Variants in HS6ST3 observed in about 807,000 individuals in gnomAD.
HS6ST3 encodes the protein heparan-sulfate 6-O-sulfotransferase 3.
In HS6ST3, 12 loss-of-function variants were observed where a neutral mutation model predicts 36.7. The observed-to-expected ratio is 0.33, with a 90% CI of 0.21 to 0.53. HS6ST3 has a LOEUF of 0.53. Among genes scored for constraint, HS6ST3 ranks in the 20% least tolerant of loss-of-function variants. The pLI, the probability that HS6ST3 is intolerant of heterozygous loss-of-function variation, is 0.95. For missense variants in HS6ST3, 584 were observed against 640.9 expected, an observed-to-expected ratio of 0.91 and a Z score of 0.96; for synonymous variants, 240 against 257.5, an observed-to-expected ratio of 0.93 and a Z score of 0.65.
intron 1 of HS6ST3, among the ~76,000 whole-genome samples, chr13:96,768,086 A>G (rs1421497043): frequency 6.6e-6 from 1 of 152,200 alleles, no homozygotes; most frequent in Non-Finnish European, 1.5e-5. Flanking sequence ...TCATTCAGGC[A>G]GACACAGTAG....
In HS6ST3 at chr13:96,831,954, C is replaced by CAAAAAAA. The variant is rs35266831; in HGVS notation, c.708-516_708-510dup. ...TGGGTGACAGAGCAAGACTCCCTCTCAAAAAAAAAAAAAAAAAAAAAAAAA... is the reference window on the plus strand; with the variant it reads ...TGGGTGACAGAGCAAGACTCCCTCTCAAAAAAAAAAAAAAAAAAAAAAAAAAAAAAAA... On this transcript the variant is annotated intron_variant, in intron 1 of 1. Transcript: ENST00000376705. Among the ~76,000 whole-genome samples, 215 of 21,854 alleles carry CAAAAAAA rather than the reference C, an allele frequency of 9.8e-3. 43 individuals are homozygous for CAAAAAAA. The highest frequency in any genetic ancestry group is 0.056 in the Middle Eastern group (2 of 36). 14.3% of individuals were successfully genotyped at this position (21,854 alleles called of 152,430 possible). A position where few individuals can be genotyped will look rare whatever the true frequency, so the allele number is the denominator to read the frequency against.
At chr13:96,431,266 A>C (rs968279282) in intron 1 of HS6ST3, among the ~76,000 whole-genome samples, 1 of 145,662 alleles carries the variant, frequency 6.9e-6, no homozygotes, top group Non-Finnish European at 1.5e-5. Context: ...AAATAAACCA[A>C]AACCAAAACC....
chr13:96,269,305 A>C (rs2054708145), intron 1 of HS6ST3, among the ~76,000 whole-genome samples: 1 of 152,058 alleles, frequency 6.6e-6, no homozygotes, highest in Non-Finnish European at 1.5e-5. Flanking sequence ...CAATTGTGCT[A>C]GATTTATGAA....
intron 1 of HS6ST3, among the ~76,000 whole-genome samples, chr13:96,329,859 G>A (rs2139419743): frequency 7.6e-6 from 1 of 131,686 alleles, no homozygotes; most frequent in East Asian, 2.3e-4. Context: ...TATGAATCTG[G>A]GTGCTCCTGT....
rs535891649 is a variant in HS6ST3, at chr13:96,778,371, A to G, written c.708-54119A>G. ...CTTCTGCACAGCAAAAGAAACTATC[A>G]TCAGAGTGAACAGGCAACCTACACA... On this transcript the variant is annotated intron_variant, in intron 1 of 1. Transcript: ENST00000376705. 3.3e-5 allele frequency among the ~76,000 whole-genome samples: 5 copies of G among 152,354 alleles called. No homozygotes were observed. In the South Asian group the frequency reaches 8.3e-4, roughly 25 times the overall value.
Position 96,658,503 on chromosome 13 carries a change from G to A in HS6ST3, c.708-173987G>A, listed in dbSNP as rs548926461. 4.0e-3 allele frequency among the ~76,000 whole-genome samples: 596 copies of A among 150,684 alleles called. 1 individual carries two copies. The highest frequency in any genetic ancestry group is 7.0e-3 in the Non-Finnish European group (474 of 67,680). ...TCACCATGTTGGTCAGGATGGTCTC[G>A]AACTCCTGATCTCAAATGATCTGCC... On this transcript the variant is annotated intron_variant, in intron 1 of 1. Transcript: ENST00000376705.
chr13:96,547,751 A>T (rs1408206631), intron 1 of HS6ST3, among the ~76,000 whole-genome samples: 2 of 152,164 alleles, frequency 1.3e-5, no homozygotes, highest in African/African-American at 4.8e-5. Flanking sequence ...GCGTATCTAT[A>T]TAAGTAATGT....
intron 1 of HS6ST3, among the ~76,000 whole-genome samples, chr13:96,801,774 C>T (rs1429628774): frequency 6.6e-6 from 1 of 152,050 alleles, no homozygotes; most frequent in Non-Finnish European, 1.5e-5. Context: ...CTGGAGCAAA[C>T]TGGGACTGGG....
At chr13:96,798,152 G>A (rs761807850) in intron 1 of HS6ST3, among the ~76,000 whole-genome samples, 3 of 151,954 alleles carry the variant, frequency 2.0e-5, no homozygotes, top group Non-Finnish European at 4.4e-5. Flanking sequence ...GGATACAGAC[G>A]AAGAGATGCA....
intron 1 of HS6ST3, among the ~76,000 whole-genome samples, chr13:96,343,888 G>T (rs145756794): frequency 6.6e-6 from 1 of 151,996 alleles, no homozygotes; most frequent in Non-Finnish European, 1.5e-5. Flanking sequence ...GATTATAGGC[G>T]CGTGCCACTA....
At chr13:96,671,802 G>C (rs966369750) in intron 1 of HS6ST3, among the ~76,000 whole-genome samples, 1 of 152,036 alleles carries the variant, frequency 6.6e-6, no homozygotes, top group African/African-American at 2.4e-5. Flanking sequence ...TCCAAATAAG[G>C]TCACATTCTG....
intron 1 of HS6ST3, among the ~76,000 whole-genome samples, chr13:96,373,788 A>T (rs918382154): frequency 6.6e-6 from 1 of 152,306 alleles, no homozygotes; most frequent in East Asian, 1.9e-4. Flanking sequence ...GTTTTTCCCA[A>T]TGTAATCCCA....
intron 1 of HS6ST3, among the ~76,000 whole-genome samples, chr13:96,273,240 G>C (rs538658774): frequency 6.6e-6 from 1 of 151,922 alleles, no homozygotes; most frequent in Non-Finnish European, 1.5e-5. Flanking sequence ...GCTATGGCTA[G>C]TTCTGACCAA....
At chr13:96,668,732 A>G (rs1417144109) in intron 1 of HS6ST3, among the ~76,000 whole-genome samples, 1 of 53,498 alleles carries the variant, frequency 1.9e-5, no homozygotes, top group African/African-American at 7.3e-5. Context: ...TTTTTGTATC[A>G]GGTACATTTG....
At chr13:96,099,257 T>C (rs2139293879) in intron 1 of HS6ST3, among the ~76,000 whole-genome samples, 1 of 152,306 alleles carries the variant, frequency 6.6e-6, no homozygotes, top group East Asian at 1.9e-4. Flanking sequence ...TATGTTGTTT[T>C]TATGTAAAAA....
intron 1 of HS6ST3, among the ~76,000 whole-genome samples, chr13:96,463,467 A>T (rs1250080955): frequency 2.0e-5 from 3 of 152,210 alleles, no homozygotes; most frequent in Non-Finnish European, 4.4e-5. Context: ...AAAAAATTTA[A>T]AAGTGAAAGA....
At chr13:96,292,281 T>C (rs2082964448) in intron 1 of HS6ST3, among the ~76,000 whole-genome samples, 1 of 151,944 alleles carries the variant, frequency 6.6e-6, no homozygotes, top group South Asian at 2.1e-4. Context: ...ATAGTTAATT[T>C]TGACTTTTCT....
At chr13:96,797,455 G>A (rs1452279171) in intron 1 of HS6ST3, among the ~76,000 whole-genome samples, 1 of 152,026 alleles carries the variant, frequency 6.6e-6, no homozygotes, top group Non-Finnish European at 1.5e-5. Context: ...TGATAGAATT[G>A]CAATAAGGGA....
chr13:96,371,677 A>G (rs887722692), intron 1 of HS6ST3, among the ~76,000 whole-genome samples: 11 of 152,192 alleles, frequency 7.2e-5, no homozygotes, highest in African/African-American at 2.6e-4. Flanking sequence ...TGTAAGTTTG[A>G]CTTTTTAGAT....
Sources: gnomAD v4.1 joint callset for allele counts (sites outside exome capture counted in the v4.1 genomes callset) on GRCh38, gnomAD v4.1.1 for gene constraint, MANE v1.5 for transcripts, NCBI Gene and HGNC (gene_info 2026-07-23, HGNC 2026-07-21) for gene names.